Variants in TICRR observed in about 807,000 individuals in gnomAD.
The protein encoded by TICRR is treslin.
In TICRR, 132 loss-of-function variants were observed where a neutral mutation model predicts 178.1. The ratio of observed to expected loss-of-function variants is 0.74; its 90% CI spans 0.64 to 0.86. The LOEUF (loss-of-function observed/expected upper bound fraction) is 0.86, where lower values mean the gene tolerates loss of function less well. TICRR is among the 40% of genes least tolerant of loss of function. The pLI is 0.00. For synonymous variants in TICRR, 991 were observed against 900.7 expected, an observed-to-expected ratio of 1.10 and a Z score of -1.79; for missense variants, 2,587 against 2,334.3, an observed-to-expected ratio of 1.11 and a Z score of -2.23.
At chr15:89,591,956 A>C (rs1026031877) in intron 4 of TICRR, 91 bp from the exon 5 acceptor site, 2 of 1,160,352 alleles carry the variant, frequency 1.7e-6, no homozygotes, top group Non-Finnish European at 2.4e-6. Context: ...GGAGGGATGC[A>C]GTCAGTCCAG....
In TICRR at chr15:89,610,241, T is replaced by C. The variant is rs562013163; in HGVS notation, c.2869+1292T>C. ...TGGGTCTAGTGGATTTATGGTATTATTCAAGTCTTCTGTTTCCTTGTTGAG... is the reference window on the plus strand; with the variant it reads ...TGGGTCTAGTGGATTTATGGTATTACTCAAGTCTTCTGTTTCCTTGTTGAG... On this transcript the variant is annotated intron_variant, in intron 15 of 21. Coordinates refer to ENST00000268138, the MANE Select transcript of TICRR (RefSeq NM_152259.4). 5.3e-5 allele frequency among the ~76,000 whole-genome samples: 8 copies of C among 152,352 alleles called. No individual in the cohort carries two copies. In the East Asian group the frequency reaches 1.5e-3, roughly 29 times the overall value.
At chr15:89,597,063 T>C (rs568551700) in intron 7 of TICRR, among the ~76,000 whole-genome samples, 2 of 152,336 alleles carry the variant, frequency 1.3e-5, no homozygotes, top group Admixed American at 1.3e-4. Flanking sequence ...TTGAAAATAA[T>C]GGGTATTCTC....
At chr15:89,591,180 C>T (rs1008813883) in intron 4 of TICRR, among the ~76,000 whole-genome samples, 1 of 152,196 alleles carries the variant, frequency 6.6e-6, no homozygotes, top group Non-Finnish European at 1.5e-5. Context: ...GGCTGGAGTG[C>T]AGTGGCGTGA....
chr15:89,618,240 C>T (rs1401131293), intron 17 of TICRR, 30 bp downstream of exon 17: 2 of 1,594,698 alleles, frequency 1.3e-6, no homozygotes, highest in Non-Finnish European at 1.7e-6. Context: ...GTTTTTAATG[C>T]AATCTACCCA....
At chr15:89,606,737 A>C in intron 13 of TICRR, 31 bp from the exon 14 acceptor site, 2 of 1,602,464 alleles carry the variant, frequency 1.2e-6, no homozygotes, top group Non-Finnish European at 1.7e-6. Flanking sequence ...TGCCTATTTA[A>C]ATTTTCTTTC....
At chr15:89,600,136 C>G (rs570755271) in intron 8 of TICRR, among the ~76,000 whole-genome samples, 2 of 152,232 alleles carry the variant, frequency 1.3e-5, no homozygotes, top group African/African-American at 4.8e-5. Flanking sequence ...CTTGCTCTCT[C>G]CAGATGAACT....
At chr15:89,623,554 A>G in intron 19 of TICRR, 69 bp from the exon 20 acceptor site, 1 of 1,460,704 alleles carries the variant, frequency 6.8e-7, no homozygotes, top group East Asian at 2.3e-5. Flanking sequence ...GGTCTTAGAG[A>G]TTACTAAAAC....
rs1016658869 is a variant in TICRR at position 89,600,531 on chromosome 15, T to C, written c.2053-54T>C. ...CCCTTTAGTCAACTGTGAAAGAAAT[T>C]AGAAATAATGACAAGTAACACTATT... is the stretch of plus-strand genomic sequence containing the variant. On this transcript the variant is annotated intron_variant, in intron 8 of 21. Coordinates refer to ENST00000268138, the MANE Select transcript of TICRR (RefSeq NM_152259.4). 8 of 787,270 alleles carry C rather than the reference T, an allele frequency of 1.0e-5. No homozygotes were observed. The African/African-American group carries it at 1.1e-4, about 11-fold the overall frequency. 48.8% of individuals were successfully genotyped at this position (787,270 alleles called of 1,614,324 possible).
intron 5 of TICRR, 146 bp from the exon 6 acceptor site, chr15:89,594,269 T>G (rs956231930): frequency 3.2e-6 from 2 of 619,650 alleles, no homozygotes; most frequent in Non-Finnish European, 5.3e-6. Flanking sequence ...ACATTTTCTC[T>G]CCTAAGAAAA....
intron 1 of TICRR, among the ~76,000 whole-genome samples, chr15:89,578,021 A>G (rs1222250458): frequency 6.6e-6 from 1 of 152,136 alleles, no homozygotes; most frequent in Non-Finnish European, 1.5e-5. Context: ...TCAGCTGGAA[A>G]TGAACTTAGT....
chr15:89,609,172 G>A (rs1319488975), intron 15 of TICRR, among the ~76,000 whole-genome samples: 3 of 123,136 alleles, frequency 2.4e-5, no homozygotes, highest in Non-Finnish European at 3.2e-5. Flanking sequence ...GTGCAGTGGC[G>A]CAATCTCAGC....
chr15:89,614,277 T>G (rs1347024378), intron 15 of TICRR, among the ~76,000 whole-genome samples: 4 of 152,190 alleles, frequency 2.6e-5, no homozygotes, highest in African/African-American at 9.6e-5. Context: ...ACTTTTTTGT[T>G]TTGTTTCTTT....
Position 89,624,180 on chromosome 15 carries a change from A to C in TICRR, c.3870A>C (p.Lys1290Asn). Reference protein sequence around the residue: ...PAQKLKDKAIKTPKRPGNSTV... With the variant: ...PAQKLKDKAINTPKRPGNSTV... ...AGAAACTAAAGGATAAAGCTATCAA[A>C]ACTCCAAAAAGACCAGGGAATTCAA... The change falls in exon 20 of 22, where the codon AAA (lysine) becomes AAC (asparagine). Residue 1290 changes from lysine (K) to asparagine (N), a missense_variant. Transcript: ENST00000268138. The C allele has an allele frequency of 1.9e-6, 3 of 1,614,122 alleles. No homozygotes were observed. In the South Asian group the frequency reaches 3.3e-5, roughly 18 times the overall value.
chr15:89,609,535 C>T (rs546244869), intron 15 of TICRR, among the ~76,000 whole-genome samples: 1 of 152,104 alleles, frequency 6.6e-6, no homozygotes, highest in African/African-American at 2.4e-5. Flanking sequence ...AGTGCAGTGC[C>T]GTGATCTTGG....
intron 21 of TICRR, 64 bp downstream of exon 21, chr15:89,626,125 C>T (rs1963521138): frequency 6.3e-7 from 1 of 1,581,220 alleles, no homozygotes; most frequent in African/African-American, 1.4e-5. Flanking sequence ...ACCAGGGTTG[C>T]CAGGCAGCTC....
In TICRR at chr15:89,599,571, T is replaced by G. The variant is rs1963059004; in HGVS notation, c.2052+96T>G. On this transcript the variant is annotated intron_variant, in intron 8 of 21. Coordinates refer to ENST00000268138, the MANE Select transcript of TICRR (RefSeq NM_152259.4). ...TTAGTGTCTTGGAAAATGTCTGTTA[T>G]GTCATATGTGATTCAAAAATGGTAA... The G allele has an allele frequency of 6.5e-6, 8 of 1,228,306 alleles. No homozygotes were observed. In the East Asian group the frequency reaches 1.2e-4, roughly 18 times the overall value. 76.1% of individuals were successfully genotyped at this position (1,228,306 alleles called of 1,614,324 possible).
In TICRR at chr15:89,584,422, G is replaced by A; in HGVS notation, c.1071G>A (p.Leu357=). ...AQWSLPTSST[L]GTDSWMLGSP... Reference sequence around the variant, plus strand: ...GGTCTCTCCCAACGAGCAGCACTTTGGGCACTGACAGCTGGATGCTAGGAA... The same window carrying A: ...GGTCTCTCCCAACGAGCAGCACTTTAGGCACTGACAGCTGGATGCTAGGAA... The change falls in exon 3 of 22, where the codon TTG becomes TTA. Residue 357 remains leucine (L), a synonymous_variant. Coordinates refer to ENST00000268138, the MANE Select transcript of TICRR (RefSeq NM_152259.4). 1.2e-6 allele frequency: 2 copies of A among 1,614,084 alleles called. No homozygotes were observed. Among genetic ancestry groups the A allele is most frequent in the Non-Finnish European group, 1.7e-6 (2 of 1,179,986 alleles).
chr15:89,619,184 C>G (rs1049111189), intron 17 of TICRR, among the ~76,000 whole-genome samples: 1 of 151,186 alleles, frequency 6.6e-6, no homozygotes, highest in Non-Finnish European at 1.5e-5. Flanking sequence ...CATACGAAAC[C>G]TAACATAAAT....
rs1303249430 is a variant in TICRR at position 89,627,265 on chromosome 15, T to C, written c.*179T>C. 1 of 727,142 alleles carries C rather than the reference T, an allele frequency of 1.4e-6. No homozygotes were observed. Among genetic ancestry groups the C allele is most frequent in the East Asian group, 2.8e-5 (1 of 35,986 alleles). 45.0% of individuals were successfully genotyped at this position (727,142 alleles called of 1,614,324 possible). A position where few individuals can be genotyped will look rare whatever the true frequency, so the allele number is the denominator to read the frequency against. The stretch of plus-strand genomic sequence containing the variant: ...CCAATCCATCTCCTGGCCCTGCCCC[T>C]TGTTGGGGAAGTTGCAGGAGGAGAG... On this transcript the variant is annotated 3_prime_UTR_variant, in exon 22 of 22. Coordinates refer to ENST00000268138, the MANE Select transcript of TICRR (RefSeq NM_152259.4).
Sources: allele counts gnomAD v4.1 joint callset (sites outside exome capture counted in the v4.1 genomes callset), GRCh38; gene constraint gnomAD v4.1.1; transcripts MANE v1.5; gene names NCBI Gene and HGNC (gene_info 2026-07-23, HGNC 2026-07-21).